Variants in VMP1 observed in about 807,000 individuals in gnomAD.
VMP1 encodes vacuole membrane protein 1.
A neutral mutation model predicts 56.0 loss-of-function variants in VMP1; 11 were observed. That is an observed-to-expected ratio of 0.20 (90% CI 0.12 to 0.32). The LOEUF (loss-of-function observed/expected upper bound fraction) is 0.32. Among genes scored for constraint, VMP1 ranks in the 10% least tolerant of loss-of-function variants. VMP1 has a pLI of 1.00. For synonymous variants in VMP1, 149 were observed against 165.0 expected (o/e 0.90, Z 0.74); for missense variants, 296 against 490.3 (o/e 0.60, Z 3.74).
chr17:59,835,844 A>G, intron 10 of VMP1, among the ~76,000 whole-genome samples: 1 of 148,738 alleles, frequency 6.7e-6, no homozygotes, highest in East Asian at 1.9e-4. Context: ...TTATATACAC[A>G]AAAATACATA....
intron 5 of VMP1, among the ~76,000 whole-genome samples, chr17:59,764,364 C>T (rs923984977): frequency 4.6e-5 from 7 of 152,014 alleles, no homozygotes; most frequent in African/African-American, 7.2e-5. Flanking sequence ...GGCCTTGTTC[C>T]GTTGTCCAGA....
At chr17:59,769,171 T>A (rs373777386) in intron 6 of VMP1, among the ~76,000 whole-genome samples, 1 of 106,718 alleles carries the variant, frequency 9.4e-6, no homozygotes, top group Admixed American at 9.2e-5. Flanking sequence ...TTTTTTTTTT[T>A]AAAGACAGAG....
intron 7 of VMP1, among the ~76,000 whole-genome samples, chr17:59,789,295 C>T (rs1483244583): frequency 1.4e-5 from 2 of 146,740 alleles, no homozygotes; most frequent in Non-Finnish European, 3.0e-5. Context: ...CAGTGGTTTA[C>T]GCCTATAATC....
At chr17:59,749,007 T>G (rs2035539993) in intron 5 of VMP1, among the ~76,000 whole-genome samples, 1 of 151,118 alleles carries the variant, frequency 6.6e-6, no homozygotes, top group African/African-American at 2.4e-5. Context: ...TGGAGTGCAG[T>G]GGTGCGATCT....
chr17:59,777,578 G>A (rs2036665144), intron 7 of VMP1, among the ~76,000 whole-genome samples: 1 of 151,954 alleles, frequency 6.6e-6, no homozygotes, highest in Non-Finnish European at 1.5e-5. Flanking sequence ...TTGGGAGGCC[G>A]AGGTGGGTGG....
rs868206881 is a variant in VMP1, at chr17:59,809,728, G to A, written c.795+852G>A. On this transcript the variant is annotated intron_variant, in intron 8 of 11. Coordinates refer to ENST00000262291, the MANE Select transcript of VMP1 (RefSeq NM_030938.5). ...TCACCGTTTTAGCCGGGATGGTCTCGATCTCCTGACCTCGTGATCCGCCCG... is the reference window on the plus strand; with the variant it reads ...TCACCGTTTTAGCCGGGATGGTCTCAATCTCCTGACCTCGTGATCCGCCCG... 1.4e-4 allele frequency among the ~76,000 whole-genome samples: 21 copies of A among 150,462 alleles called. 1 individual carries two copies. The South Asian group carries it at 3.4e-3, about 24-fold the overall frequency.
intron 7 of VMP1, among the ~76,000 whole-genome samples, chr17:59,793,460 A>G (rs1003064347): frequency 2.6e-5 from 3 of 117,182 alleles, no homozygotes; most frequent in African/African-American, 7.7e-5. Flanking sequence ...GCATACTCAG[A>G]TATTTTCCCT....
rs2143946997 is a variant in VMP1 at position 59,757,944 on chromosome 17, C to T, written c.415-7027C>T. 1.4e-5 allele frequency among the ~76,000 whole-genome samples: 2 copies of T among 139,272 alleles called. 1 individual carries two copies. The highest frequency in any genetic ancestry group is 4.5e-4 in the East Asian group (2 of 4,398). The allele number at this position is 139,272 out of a possible 152,430, so 91.4% of individuals were successfully genotyped here. On this transcript the variant is annotated intron_variant, in intron 5 of 11. Transcript: ENST00000262291. ...CTCAGCTCACAGCAACCTTGAACTCCCAGGCTCAAGCAATCCTTCCACTTC... is the reference window on the plus strand; with the variant it reads ...CTCAGCTCACAGCAACCTTGAACTCTCAGGCTCAAGCAATCCTTCCACTTC...
rs777522751 is a variant in VMP1 at position 59,735,370 on chromosome 17, G to C, written c.109G>C (p.Glu37Gln). The C allele has an allele frequency of 1.4e-5, 23 of 1,613,960 alleles. No individual in the cohort carries two copies. The highest frequency in any genetic ancestry group is 1.9e-5 in the Non-Finnish European group (23 of 1,179,992). Residue 37 changes from glutamate (E) to glutamine (Q), a missense_variant, in exon 3 of 12, where the codon GAG becomes CAG. Glu to Gln is a conservative substitution (Grantham distance 29). Around this residue, in one of 4 missense-constraint regions of VMP1, gnomAD observed 69 missense variants for 76.6 expected, o/e 0.90. Transcript: ENST00000262291. ...PSSVNEKKRR[E>Q]REERQNIVLW... is the part of the protein sequence containing the mutation. ...TTCAGTGAATGAAAAGAAGAGGAGG[G>C]AGCGGGAAGAAAGGCAGAATATTGT...
At chr17:59,719,850 C>A (rs147331291) in intron 1 of VMP1, among the ~76,000 whole-genome samples, 20 of 152,224 alleles carry the variant, frequency 1.3e-4, no homozygotes, top group South Asian at 4.1e-4. Context: ...ATAAAAAAAA[C>A]CCCACATTTA....
intron 7 of VMP1, among the ~76,000 whole-genome samples, chr17:59,778,491 C>T (rs999691914): frequency 2.0e-4 from 30 of 150,650 alleles, no homozygotes; most frequent in Non-Finnish European, 3.2e-4. Flanking sequence ...TGCAGTGAGC[C>T]GAGATCGCAC....
intron 2 of VMP1, among the ~76,000 whole-genome samples, chr17:59,734,275 A>G (rs770936642): frequency 2.0e-5 from 3 of 152,234 alleles, no homozygotes; most frequent in Non-Finnish European, 4.4e-5. Context: ...GATACATTCC[A>G]TGACCCCTAG....
chr17:59,793,555 G>A (rs2037314467), intron 7 of VMP1, among the ~76,000 whole-genome samples: 1 of 116,762 alleles, frequency 8.6e-6, no homozygotes, highest in African/African-American at 2.6e-5. Context: ...ACCTGAGTTT[G>A]AGTGGATGCC....
At chr17:59,726,334 TC>T (rs1300512282) in intron 1 of VMP1, among the ~76,000 whole-genome samples, 2 of 151,856 alleles carry the variant, frequency 1.3e-5, no homozygotes, top group East Asian at 3.9e-4. Flanking sequence ...TGCTCTGTTG[TC>T]CAGGCTGGAG....
intron 10 of VMP1, among the ~76,000 whole-genome samples, chr17:59,822,137 C>T (rs1019085645): frequency 2.0e-5 from 3 of 151,866 alleles, no homozygotes; most frequent in African/African-American, 4.8e-5. Context: ...CCACTGTGCC[C>T]GGCCATTCTT....
At chr17:59,726,266 A>C (rs952522200) in intron 1 of VMP1, among the ~76,000 whole-genome samples, 5 of 151,546 alleles carry the variant, frequency 3.3e-5, no homozygotes, top group Non-Finnish European at 7.4e-5. Flanking sequence ...GATTTGGCTG[A>C]ATATGAACAC....
Position 59,716,003 on chromosome 17 carries a change from G to A in VMP1, c.-27+8255G>A, listed in dbSNP as rs1383576857. Among the ~76,000 whole-genome samples, 3 of 151,998 alleles carry A rather than the reference G, an allele frequency of 2.0e-5. No homozygotes were observed. In the East Asian group the frequency reaches 5.8e-4, roughly 29 times the overall value. ...TTTTTATTTTTTTTTTGTACTAAAG[G>A]TTGACATAATTTCTGGCTTATCAGA... On this transcript the variant is annotated intron_variant, in intron 1 of 11. Transcript: ENST00000262291.
At chr17:59,764,657 G>A (rs868335108) in intron 5 of VMP1, among the ~76,000 whole-genome samples, 3 of 152,132 alleles carry the variant, frequency 2.0e-5, no homozygotes, top group Non-Finnish European at 4.4e-5. Context: ...GAAATGTTCT[G>A]TATCTTGATT....
intron 10 of VMP1, among the ~76,000 whole-genome samples, chr17:59,832,761 ATTTTTTTTTTTT>A (rs71145580): frequency 9.9e-6 from 1 of 101,346 alleles, no homozygotes; most frequent in African/African-American, 4.0e-5. Context: ...GCCTGGCAAT[ATTTTTTTTTTTT>A]TTTTTTTTTG....
Sources: allele counts gnomAD v4.1 joint callset (sites outside exome capture counted in the v4.1 genomes callset), GRCh38; gene constraint gnomAD v4.1.1; regional missense constraint gnomAD v4.1.1; transcripts MANE v1.5; gene names NCBI Gene and HGNC (gene_info 2026-07-23, HGNC 2026-07-21).